The following HEXIM2 variants were observed in gnomAD, a reference collection of about 807,000 sequenced individuals.
The protein encoded by HEXIM2 is protein HEXIM2.
For missense variants in HEXIM2, 413 were observed against 390.8 expected (o/e 1.06, Z -0.48); for synonymous variants, 159 against 162.7 (o/e 0.98, Z 0.17).
rs1430483994 is a variant in HEXIM2, at chr17:45,169,472, C to T, written c.524C>T (p.Ala175Val). 6.2e-7 allele frequency: 1 copy of T among 1,613,536 alleles called. No homozygotes were observed. The highest frequency in any genetic ancestry group is 8.5e-7 in the Non-Finnish European group (1 of 1,179,926). ...CCAGGTTCCAGTGGGGAGAGTGAGG[C>T]CGGGGACAGTGATGGGCGGGGCCGA... ...SHPGSSGESE[A>V]GDSDGRGRAH... The change falls in exon 4 of 4, where the codon GCC becomes GTC. Residue 175 changes from alanine (A) to valine (V), a missense_variant. Physicochemically the swap from Ala to Val is moderately conservative, Grantham distance 64. Coordinates refer to ENST00000589230, the MANE Select transcript of HEXIM2 (RefSeq NM_001303441.2).
Position 45,162,048 on chromosome 17 carries a change from CA to C in HEXIM2, c.-193+21del. On this transcript the variant is annotated intron_variant, in intron 1 of 3. Transcript: ENST00000589230. Reference sequence around the variant, plus strand: ...AGCGAATAGGTCAGTTCCACCTTTGCAAAACCTCTTTCCATGACTGTCTCCC... The same window carrying C: ...AGCGAATAGGTCAGTTCCACCTTTGCAAACCTCTTTCCATGACTGTCTCCC... 1 of 976,720 alleles carries C rather than the reference CA, an allele frequency of 1.0e-6. No homozygotes were observed. Among genetic ancestry groups the C allele is most frequent in the East Asian group, 1.1e-4 (1 of 8,780 alleles). The allele number at this position is 976,720 out of a possible 1,614,324, so 60.5% of individuals were successfully genotyped here.
chr17:45,160,538 T>C (rs1392231159), upstream of HEXIM2, among the ~76,000 whole-genome samples: 1 of 152,042 alleles, frequency 6.6e-6, no homozygotes, highest in Non-Finnish European at 1.5e-5. Context: ...GTGTAAAAGT[T>C]AAGACTAGGA....
In HEXIM2 at chr17:45,168,006, C is replaced by G. The variant is rs550965371; in HGVS notation, c.67-1009C>G. Among the ~76,000 whole-genome samples, 24 of 151,904 alleles carry G rather than the reference C, an allele frequency of 1.6e-4. No individual in the cohort carries two copies. In the East Asian group the frequency reaches 2.8e-3, roughly 17 times the overall value. On this transcript the variant is annotated intron_variant, in intron 3 of 3. Transcript: ENST00000589230. ...CGCCCACATTCTCCAGCCTCAGCCT[C>G]CTGCATAGCTGGGATCACAGGCACG...
chr17:45,167,754 C>G (rs1172025926), intron 3 of HEXIM2, among the ~76,000 whole-genome samples: 1 of 151,952 alleles, frequency 6.6e-6, no homozygotes, highest in African/African-American at 2.4e-5. Context: ...GCCATCACAC[C>G]CAGCTAATTT....
At chr17:45,167,687 C>T (rs978298030) in intron 3 of HEXIM2, among the ~76,000 whole-genome samples, 4 of 151,034 alleles carry the variant, frequency 2.6e-5, no homozygotes, top group Admixed American at 6.6e-5. Flanking sequence ...AGTGCAGTGG[C>T]GCGATCTCAG....
intron 3 of HEXIM2, among the ~76,000 whole-genome samples, chr17:45,164,626 G>C (rs2042789612): frequency 6.6e-6 from 1 of 152,202 alleles, no homozygotes; most frequent in African/African-American, 2.4e-5. Context: ...GACAAAGTCA[G>C]ACTTTCTCAA....
chr17:45,161,027 C>A, upstream of HEXIM2: 1 of 1,118,764 alleles, frequency 8.9e-7, no homozygotes, highest in Non-Finnish European at 1.2e-6. Context: ...GCGACCTCCG[C>A]CCTCCCCCGC....
At position 45,165,373 on chromosome 17, in the gene HEXIM2, C is replaced by T. The variant is rs945629610; in HGVS notation, c.66+2514C>T. 7.2e-5 allele frequency among the ~76,000 whole-genome samples: 11 copies of T among 152,260 alleles called. No individual in the cohort carries two copies. In the South Asian group the frequency reaches 8.3e-4, roughly 11 times the overall value. On this transcript the variant is annotated intron_variant, in intron 3 of 3. Coordinates refer to ENST00000589230, the MANE Select transcript of HEXIM2 (RefSeq NM_001303441.2). The stretch of plus-strand genomic sequence containing the variant: ...ACATATGCCTGGCTCTTAAGGGCCG[C>T]GCATACACCACATTCCTCAGTACAC...
chr17:45,160,268 G>A (rs113966018), upstream of HEXIM2, among the ~76,000 whole-genome samples: 5 of 152,144 alleles, frequency 3.3e-5, 1 homozygote, highest in Non-Finnish European at 7.3e-5. Flanking sequence ...TACATATGAA[G>A]TAGATAAAAA....
intron 1 of HEXIM2, 85 bp downstream of exon 1, chr17:45,162,116 C>G: frequency 1.6e-6 from 1 of 630,154 alleles, no homozygotes; most frequent in African/African-American, 2.0e-5. Flanking sequence ...GGGTTTCCCT[C>G]CCAGCTGCAT....
chr17:45,169,473 CG>C lies in HEXIM2; in HGVS notation c.529del (p.Asp177ThrfsTer141), dbSNP rs1567933831. ...HPGSSGESEA[G>X]DSDGRGRAHG... Reference sequence around the variant, plus strand: ...CAGGTTCCAGTGGGGAGAGTGAGGCCGGGGACAGTGATGGGCGGGGCCGAGC... The same window carrying C: ...CAGGTTCCAGTGGGGAGAGTGAGGCCGGGACAGTGATGGGCGGGGCCGAGC... On this transcript the variant is annotated frameshift_variant, in exon 4 of 4. Transcript: ENST00000589230. LOFTEE classifies it low-confidence loss of function (END_TRUNC). The C allele has an allele frequency of 6.2e-7, 1 of 1,613,630 alleles. No homozygotes were observed. Among genetic ancestry groups the C allele is most frequent in the South Asian group, 1.1e-5 (1 of 91,064 alleles).
At chr17:45,161,003 T>C (rs1484654623), upstream of HEXIM2, 11 of 1,255,430 alleles carry the variant, frequency 8.8e-6, no homozygotes, top group East Asian at 2.2e-4. Flanking sequence ...CCACGCCGAC[T>C]TGTGGCCAGA....
chr17:45,166,093 G>A (rs964988150), intron 3 of HEXIM2, among the ~76,000 whole-genome samples: 17 of 152,008 alleles, frequency 1.1e-4, no homozygotes, highest in African/African-American at 1.9e-4. Context: ...CACCACGCCC[G>A]GCCCGCTGCA....
upstream of HEXIM2, chr17:45,160,560 A>G (rs2042658140): frequency 9.3e-6 from 2 of 214,220 alleles, no homozygotes; most frequent in Admixed American, 1.0e-4. Context: ...TTCAAAATGC[A>G]AGCAGATGTT....
intron 3 of HEXIM2, among the ~76,000 whole-genome samples, chr17:45,167,994 C>T (rs1263786791): frequency 1.3e-5 from 2 of 151,844 alleles, no homozygotes; most frequent in East Asian, 3.9e-4. Flanking sequence ...CCACATTCTC[C>T]AGCCTCAGCC....
At chr17:45,162,156 C>A in intron 1 of HEXIM2, 125 bp downstream of exon 1, 1 of 369,640 alleles carries the variant, frequency 2.7e-6, no homozygotes, top group Non-Finnish European at 3.8e-6. Context: ...CCCCTTTTCT[C>A]CTGTTTCCCT....
At position 45,169,041 on chromosome 17, in the gene HEXIM2, A is replaced by G. The variant is rs774574870; in HGVS notation, c.93A>G (p.Gln31=). 2 of 1,612,588 alleles carry G rather than the reference A, an allele frequency of 1.2e-6. No individual in the cohort carries two copies. Among genetic ancestry groups the G allele is most frequent in the Non-Finnish European group, 1.7e-6 (2 of 1,179,120 alleles). ...CCTCTGGTGCCCCGGGGAGCCCCCA[A>G]ACACCCCCTGAGCGTCATGACTCTG... ...AKTSGAPGSP[Q]TPPERHDSGG... The change falls in exon 4 of 4, where the codon CAA becomes CAG. Residue 31 remains glutamine, a synonymous_variant. Transcript: ENST00000589230.
rs893458763 is a variant in HEXIM2 at position 45,161,883 on chromosome 17, C to T, written c.-341C>T. 42 of 985,596 alleles carry T rather than the reference C, an allele frequency of 4.3e-5. No individual in the cohort carries two copies. The highest frequency in any genetic ancestry group is 4.9e-5 in the Non-Finnish European group (41 of 830,200). The allele number at this position is 985,596 out of a possible 1,614,324, so 61.1% of individuals were successfully genotyped here. On this transcript the variant is annotated 5_prime_UTR_variant, in exon 1 of 4. Transcript: ENST00000589230. Reference sequence around the variant, plus strand: ...CACCGCGCGTCCAGGCTCTCTCTTCCCCCCCATCTTAGTGGCCTGAGCGGC... The same window carrying T: ...CACCGCGCGTCCAGGCTCTCTCTTCTCCCCCATCTTAGTGGCCTGAGCGGC...
chr17:45,166,561 C>T (rs904170923), intron 3 of HEXIM2, among the ~76,000 whole-genome samples: 4 of 152,158 alleles, frequency 2.6e-5, no homozygotes, highest in Non-Finnish European at 4.4e-5. Flanking sequence ...AGACGAGATG[C>T]GTTCTCACAT....
Sources: allele counts gnomAD v4.1 joint callset (sites outside exome capture counted in the v4.1 genomes callset), GRCh38; gene constraint gnomAD v4.1.1; transcripts MANE v1.5; gene names NCBI Gene and HGNC (gene_info 2026-07-23, HGNC 2026-07-21).